The following RNF14 variants were observed in gnomAD, a reference collection of about 807,000 sequenced individuals.
The protein encoded by RNF14 is ring finger protein 14, also known as E3 ubiquitin-protein ligase RNF14.
In RNF14, 26 loss-of-function variants were observed where a neutral mutation model predicts 52.6. That is an observed-to-expected ratio of 0.49 (90% CI 0.36 to 0.69). The LOEUF is 0.69. RNF14 is among the 30% of genes least tolerant of loss of function. The probability of loss-of-function intolerance (pLI) is 0.00; values close to 1 mark genes in which losing one functional copy is unlikely to be tolerated. For missense variants in RNF14, 404 were observed against 560.4 expected, an observed-to-expected ratio of 0.72 and a Z score of 2.82; for synonymous variants, 194 against 202.0, an observed-to-expected ratio of 0.96 and a Z score of 0.34.
chr5:141,966,270 G>C (rs550477398), upstream of RNF14, among the ~76,000 whole-genome samples: 10 of 152,324 alleles, frequency 6.6e-5, no homozygotes, highest in East Asian at 1.9e-3. Context: ...CTGGGTGACA[G>C]AGTGAGACTC....
chr5:141,964,777 C>G (rs1596650390), upstream of RNF14, among the ~76,000 whole-genome samples: 1 of 73,940 alleles, frequency 1.4e-5, no homozygotes, highest in East Asian at 6.2e-4. Context: ...CCAAGCCCGG[C>G]TAATTTTTTT....
chr5:141,951,609 C>G, the RNF14 span: 1 of 1,569,812 alleles, frequency 6.4e-7, no homozygotes, highest in Non-Finnish European at 8.8e-7. Context: ...CAGGAAAAAT[C>G]TGTTGACTCC....
chr5:141,963,174 G>A (rs532625278), upstream of RNF14: 5 of 152,154 alleles, frequency 3.3e-5, no homozygotes, highest in African/African-American at 9.7e-5. Context: ...TAACTCCCAG[G>A]TGCAGGCATG....
chr5:141,987,067 T>C (rs1288143072), intron 8 of RNF14, among the ~76,000 whole-genome samples: 1 of 152,130 alleles, frequency 6.6e-6, no homozygotes, highest in African/African-American at 2.4e-5. Context: ...GTGCCAAAAC[T>C]GCAGAAGGGA....
rs527242691 is a variant in RNF14 at position 141,985,159 on chromosome 5, T to G, written c.1367+226T>G. On this transcript the variant is annotated intron_variant, in intron 8 of 8. Coordinates refer to ENST00000394520, the MANE Select transcript of RNF14 (RefSeq NM_004290.5). ...AGTGAAAGTTTTCAAACACAGAAAA[T>G]TTGAAAGGATAGGACTATGAATAGT... Among the ~76,000 whole-genome samples, 3 of 152,334 alleles carry G rather than the reference T, an allele frequency of 2.0e-5. No individual in the cohort carries two copies. The East Asian group carries it at 5.8e-4, about 29-fold the overall frequency.
In RNF14 at chr5:141,974,891, C is replaced by T. The variant is rs1230441702; in HGVS notation, c.242C>T (p.Pro81Leu). ...PPLVLNFELPPDYPSSSPPSF... is the reference protein window; with the variant it reads ...PPLVLNFELPLDYPSSSPPSF... ...CTTGTGCTGAACTTTGAACTGCCAC[C>T]AGATTATCCATCCTCTTCCCCACCT... Residue 81 changes from proline to leucine, a missense_variant, in exon 4 of 9, where the codon CCA becomes CTA. Coordinates refer to ENST00000394520, the MANE Select transcript of RNF14 (RefSeq NM_004290.5). The T allele has an allele frequency of 6.2e-7, 1 of 1,613,922 alleles. No homozygotes were observed. Among genetic ancestry groups the T allele is most frequent in the Admixed American group, 1.7e-5 (1 of 59,984 alleles).
chr5:141,950,486 T>C, the RNF14 span, among the ~76,000 whole-genome samples: 7 of 152,180 alleles, frequency 4.6e-5, no homozygotes, highest in Non-Finnish European at 7.3e-5. Context: ...CACCGTCTTA[T>C]TCAAACCTTC....
chr5:141,962,488 T>G (rs1023652841), upstream of RNF14, among the ~76,000 whole-genome samples: 5 of 151,962 alleles, frequency 3.3e-5, no homozygotes, highest in African/African-American at 1.2e-4. Context: ...TGGGACAGGG[T>G]TGGGGAATTT....
chr5:141,983,249 T>TTGGA, intron 6 of RNF14, 131 bp from the exon 7 acceptor site: 1 of 727,938 alleles, frequency 1.4e-6, no homozygotes, highest in African/African-American at 1.8e-5. Context: ...GCATATGACT[T>TTGGA]TGGATTATTT....
chr5:141,982,206 A>G (rs78829670), intron 6 of RNF14, among the ~76,000 whole-genome samples: 4,387 of 152,306 alleles, frequency 0.029, 213 homozygotes, highest in African/African-American at 0.099. Flanking sequence ...TATATATTAT[A>G]TAAAATATGA....
chr5:141,949,501 G>T, the RNF14 span: 1 of 1,614,124 alleles, frequency 6.2e-7, no homozygotes, highest in East Asian at 2.2e-5. Context: ...TCCTCTTCAG[G>T]ATCCAAAGGC....
upstream of RNF14, chr5:141,955,026 G>A (rs1044682229): frequency 1.2e-6 from 2 of 1,614,228 alleles, no homozygotes; most frequent in African/African-American, 2.7e-5. The surrounding 1 kb of genome is among the most constrained non-coding windows in gnomAD (Gnocchi z 5.5). Flanking sequence ...GCTCGGCGAA[G>A]GCAGCCACAG....
rs1314682844 is a variant in RNF14 at position 141,989,784 on chromosome 5, AAG to A, written c.*1997_*1998del. 2 of 152,280 alleles carry A rather than the reference AAG, an allele frequency of 1.3e-5. No homozygotes were observed. Among genetic ancestry groups the A allele is most frequent in the East Asian group, 1.9e-4 (1 of 5,182 alleles). 9.4% of individuals were successfully genotyped at this position (152,280 alleles called of 1,614,324 possible). A position where few individuals can be genotyped will look rare whatever the true frequency, so the allele number is the denominator to read the frequency against. ...ATTTGTTCTACAGTATATACCTGAG[AAG>A]AGTGATTTCTGTGATCAAAGAGTTC... On this transcript the variant is annotated 3_prime_UTR_variant, in exon 9 of 9. Transcript: ENST00000394520.
chr5:141,976,977 G>T (rs1341697140), intron 4 of RNF14, among the ~76,000 whole-genome samples: 2 of 152,026 alleles, frequency 1.3e-5, no homozygotes, highest in East Asian at 3.9e-4. Context: ...TTTTAGTAGA[G>T]ACAGGGTTTC....
At chr5:141,960,949 G>T (rs1378992900) in intron 1 of RNF14, among the ~76,000 whole-genome samples, 1 of 152,140 alleles carries the variant, frequency 6.6e-6, no homozygotes, top group Admixed American at 6.5e-5. Context: ...AGGGACCGGG[G>T]ACAGCCACGA....
rs575450213 is a variant in RNF14 at position 141,989,856 on chromosome 5, C to T, written c.*2066C>T. ...AGAGCTACTCAGAAGCTCTATAGTT[C>T]GTGAGCTACTTGATATTTTCTAGAG... On this transcript the variant is annotated 3_prime_UTR_variant, in exon 9 of 9. Transcript: ENST00000394520. 3 of 152,254 alleles carry T rather than the reference C, an allele frequency of 2.0e-5. No individual in the cohort carries two copies. The highest frequency in any genetic ancestry group is 2.0e-4 in the Admixed American group (3 of 15,296). 9.4% of individuals were successfully genotyped at this position (152,254 alleles called of 1,614,324 possible). A position where few individuals can be genotyped will look rare whatever the true frequency, so the allele number is the denominator to read the frequency against.
chr5:141,966,610 A>T (rs545955086), upstream of RNF14, among the ~76,000 whole-genome samples: 1 of 152,222 alleles, frequency 6.6e-6, no homozygotes, highest in Non-Finnish European at 1.5e-5. Flanking sequence ...CCAAAGACAC[A>T]AAAGTCTGTT....
chr5:141,962,161 A>C (rs1753279723), upstream of RNF14, among the ~76,000 whole-genome samples: 1 of 152,238 alleles, frequency 6.6e-6, no homozygotes, highest in Non-Finnish European at 1.5e-5. Flanking sequence ...TGCTCCTAGC[A>C]GGGCACTTTG....
intron 3 of RNF14, 115 bp from the exon 4 acceptor site, chr5:141,974,689 G>T: frequency 5.3e-6 from 5 of 947,222 alleles, no homozygotes; most frequent in Non-Finnish European, 7.9e-6. Flanking sequence ...GTGCTTTGGG[G>T]GAGGGTTTTT....
Sources: gnomAD v4.1 joint callset for allele counts (sites outside exome capture counted in the v4.1 genomes callset) on GRCh38, gnomAD v4.1.1 for gene constraint, Gnocchi (gnomAD v3.1) non-coding constraint, MANE v1.5 for transcripts, NCBI Gene and HGNC (gene_info 2026-07-23, HGNC 2026-07-21) for gene names.